LIM2: variants seen among roughly 807,000 people sequenced by gnomAD.
LIM2 encodes the protein lens intrinsic membrane protein 2.
Under a neutral mutation model 19.0 loss-of-function variants are expected in LIM2, and 14 were observed. The ratio of observed to expected loss-of-function variants is 0.74; its 90% CI spans 0.49 to 1.15. LIM2 has a LOEUF of 1.15. LIM2 is among the 50% of genes most tolerant of loss of function. LIM2 has a pLI of 0.00. For synonymous variants in LIM2, 78 were observed against 89.6 expected (o/e 0.87, Z 0.73); for missense variants, 230 against 243.5 (o/e 0.94, Z 0.37).
At chr19:51,387,191 A>G in intron 2 of LIM2, 78 bp downstream of exon 2, 1 of 1,614,088 alleles carries the variant, frequency 6.2e-7, no homozygotes, top group Non-Finnish European at 8.5e-7. Flanking sequence ...CTCCATCTGG[A>G]ATACAGGTGT....
intron 2 of LIM2, among the ~76,000 whole-genome samples, chr19:51,383,915 C>T (rs1986965253): frequency 6.6e-6 from 1 of 152,142 alleles, no homozygotes; most frequent in Admixed American, 6.6e-5. Flanking sequence ...AGTCTAGGAT[C>T]TTTGTAAAAC....
At chr19:51,385,547 AAAC>A (rs1292659168) in intron 2 of LIM2, among the ~76,000 whole-genome samples, 1 of 152,092 alleles carries the variant, frequency 6.6e-6, no homozygotes, top group Admixed American at 6.6e-5. Context: ...AAACAAAAAC[AAAC>A]AAACGAAAAA....
intron 1 of LIM2, 123 bp from the exon 2 acceptor site, chr19:51,387,572 G>A: frequency 7.1e-7 from 1 of 1,401,860 alleles, no homozygotes; most frequent in East Asian, 2.5e-5. Flanking sequence ...TGGAGACCTA[G>A]ACGCCTGGGT....
At chr19:51,387,588 G>A (rs1987110271) in intron 1 of LIM2, 139 bp from the exon 2 acceptor site, 2 of 1,258,076 alleles carry the variant, frequency 1.6e-6, no homozygotes, top group Non-Finnish European at 2.2e-6. Flanking sequence ...TGGGTCCTGG[G>A]CGAGGAGGGG....
At chr19:51,383,863 T>G (rs1293653911) in intron 2 of LIM2, among the ~76,000 whole-genome samples, 6 of 152,128 alleles carry the variant, frequency 3.9e-5, no homozygotes, top group Non-Finnish European at 8.8e-5. Context: ...ACCTGGGAAA[T>G]GGTGCACCTC....
chr19:51,382,991 T>C (rs1986937469), intron 2 of LIM2, among the ~76,000 whole-genome samples: 1 of 151,684 alleles, frequency 6.6e-6, no homozygotes. Context: ...TTCCTACTAA[T>C]TACTATTCTC....
At chr19:51,382,602 C>T (rs935364433) in intron 2 of LIM2, 35 bp from the exon 3 acceptor site, 15 of 1,612,190 alleles carry the variant, frequency 9.3e-6, no homozygotes, top group Non-Finnish European at 1.2e-5. Context: ...CCCACACCTC[C>T]CCTGCTCTAA....
At chr19:51,382,611 A>G (rs1986926572) in intron 2 of LIM2, 44 bp from the exon 3 acceptor site, 1 of 1,611,422 alleles carries the variant, frequency 6.2e-7, no homozygotes, top group Admixed American at 1.7e-5. Context: ...CCCCTGCTCT[A>G]AGTGAGAGAT....
intron 3 of LIM2, among the ~76,000 whole-genome samples, chr19:51,381,723 A>ATTG (rs1272209527): frequency 1.3e-5 from 2 of 151,764 alleles, no homozygotes; most frequent in Non-Finnish European, 2.9e-5. Context: ...TGTTGTTGTT[A>ATTG]TTGTTGTTGT....
intron 2 of LIM2, among the ~76,000 whole-genome samples, chr19:51,386,474 T>TTATA (rs10639522): frequency 0.27 from 40,425 of 147,922 alleles, 7,607 homozygotes; most frequent in African/African-American, 0.53. Flanking sequence ...ATACTCTACA[T>TTATA]TATTAATTTA....
Position 51,387,304 on chromosome 19 carries a change from A to G in LIM2, c.140T>C (p.Leu47Pro), listed in dbSNP as rs1031397829. ...FAHQGLWRYC[L>P]GNKCYLQTDS... ...TGTCTGCAGGTAGCACTTGTTGCCC[A>G]GGCAGTACCGCCACAGGCCCTGGTG... Residue 47 changes from leucine (L) to proline (P), a missense_variant, in exon 2 of 5, where the codon CTG becomes CCG. By Grantham distance (98) the Leu-to-Pro change is moderately conservative. Transcript: ENST00000596399. 1.2e-5 allele frequency: 19 copies of G among 1,613,972 alleles called. No individual in the cohort carries two copies. The highest frequency in any genetic ancestry group is 1.5e-5 in the Non-Finnish European group (18 of 1,180,040).
At chr19:51,385,122 G>A (rs1308813966) in intron 2 of LIM2, among the ~76,000 whole-genome samples, 5 of 151,638 alleles carry the variant, frequency 3.3e-5, no homozygotes, top group African/African-American at 7.3e-5. Flanking sequence ...TCAGCCTCCC[G>A]AAGTGCTGGG....
chr19:51,382,525 A>G lies in LIM2; in HGVS notation c.218T>C (p.Leu73Pro), dbSNP rs377256427. Reference sequence around the variant, plus strand: ...CATGATGATGCCGGAGATGGCGCATAGGGCAGACAGGATCATGAAGGCCCG... The same window carrying G: ...CATGATGATGCCGGAGATGGCGCATGGGGCAGACAGGATCATGAAGGCCCG... ...ATRAFMILSA[L>P]CAISGIIMGI... The change falls in exon 3 of 5, where the codon CTA becomes CCA. Residue 73 changes from leucine to proline, a missense_variant. Coordinates refer to ENST00000596399, the MANE Select transcript of LIM2 (RefSeq NM_001161748.2). 1.2e-6 allele frequency: 2 copies of G among 1,613,916 alleles called. No individual in the cohort carries two copies. Among genetic ancestry groups the G allele is most frequent in the Non-Finnish European group, 8.5e-7 (1 of 1,179,902 alleles).
Position 51,380,271 on chromosome 19 carries a change from G to T in LIM2, c.461-9C>A. The T allele has an allele frequency of 6.2e-7, 1 of 1,613,020 alleles. No homozygotes were observed. The highest frequency in any genetic ancestry group is 8.5e-7 in the Non-Finnish European group (1 of 1,179,590). ...GCACATGTAGAAAATCCCTGCATGA[G>T]AAGAAGTTCAAATTCACCCCCTCAA... On this transcript the variant is annotated splice_polypyrimidine_tract_variant and intron_variant, in intron 4 of 4. Transcript: ENST00000596399.
chr19:51,385,786 C>A (rs967403802), intron 2 of LIM2, among the ~76,000 whole-genome samples: 1 of 152,218 alleles, frequency 6.6e-6, no homozygotes, highest in Non-Finnish European at 1.5e-5. Context: ...CTGCCTCAGT[C>A]TACCTCTCCA....
In LIM2 at chr19:51,379,943, T is replaced by A. The variant is rs1986846570; in HGVS notation, c.*258A>T. On this transcript the variant is annotated 3_prime_UTR_variant, in exon 5 of 5. Transcript: ENST00000596399. The stretch of plus-strand genomic sequence containing the variant: ...ATCAGTTTTATTAGGCCCCAGAAAG[T>A]TGCTCTAATGGATAGTCCATTTTTC... The A allele has an allele frequency of 1.7e-6, 1 of 580,996 alleles. No individual in the cohort carries two copies. The highest frequency in any genetic ancestry group is 2.1e-5 in the South Asian group (1 of 48,118). 36.0% of individuals were successfully genotyped at this position (580,996 alleles called of 1,614,324 possible).
At chr19:51,382,694 C>T (rs1986928701) in intron 2 of LIM2, 127 bp from the exon 3 acceptor site, 39 of 1,273,354 alleles carry the variant, frequency 3.1e-5, no homozygotes, top group Non-Finnish European at 4.2e-5. Context: ...CCCTTCTTTG[C>T]AAATGCCCTC....
intron 3 of LIM2, among the ~76,000 whole-genome samples, chr19:51,381,332 G>C (rs1329734107): frequency 6.6e-6 from 1 of 151,724 alleles, no homozygotes; most frequent in Non-Finnish European, 1.5e-5. Context: ...CAAAAAAGGA[G>C]AACAAAAAAG....
At chr19:51,380,481 C>T (rs1222593224) in intron 4 of LIM2, 24 bp downstream of exon 4, 2 of 1,614,158 alleles carry the variant, frequency 1.2e-6, no homozygotes, top group African/African-American at 1.3e-5. Context: ...AGGCACTGAC[C>T]TTCCCACCCC....
Sources: gnomAD v4.1 joint callset for allele counts (sites outside exome capture counted in the v4.1 genomes callset) on GRCh38, gnomAD v4.1.1 for gene constraint, MANE v1.5 for transcripts, NCBI Gene and HGNC (gene_info 2026-07-23, HGNC 2026-07-21) for gene names.